Variants in RGL1 observed in about 807,000 individuals in gnomAD.
The protein encoded by RGL1 is ral guanine nucleotide dissociation stimulator like 1.
Under a neutral mutation model 95.2 loss-of-function variants are expected in RGL1, and 24 were observed. The ratio of observed to expected loss-of-function variants is 0.25; its 90% CI spans 0.18 to 0.35. RGL1 has a LOEUF of 0.35. Ranked by LOEUF, RGL1 falls within the 10% of genes least tolerant of loss-of-function variation. The pLI is 1.00. For synonymous variants in RGL1, 329 were observed against 344.9 expected (o/e 0.95, Z 0.51); for missense variants, 715 against 936.3 (o/e 0.76, Z 3.08).
At chr1:183,852,535 C>T (rs1267023403) in intron 3 of RGL1, among the ~76,000 whole-genome samples, 1 of 152,138 alleles carries the variant, frequency 6.6e-6, no homozygotes, top group South Asian at 2.1e-4. Flanking sequence ...AAAATCTGGC[C>T]AGGCGTGGTG....
chr1:183,655,198 G>T (rs1360253873), intron 1 of RGL1, among the ~76,000 whole-genome samples: 1 of 152,192 alleles, frequency 6.6e-6, no homozygotes, highest in Non-Finnish European at 1.5e-5. Context: ...ATTTTTAAGA[G>T]ACATTTACTC....
intron 1 of RGL1, chr1:183,648,935 G>T: frequency 1.6e-6 from 1 of 611,792 alleles, no homozygotes; most frequent in Non-Finnish European, 2.8e-6. Flanking sequence ...TATATGCATA[G>T]ATTTAAAAGC....
chr1:183,727,254 C>A (rs556956017), intron 1 of RGL1, among the ~76,000 whole-genome samples: 1 of 152,124 alleles, frequency 6.6e-6, no homozygotes, highest in Admixed American at 6.6e-5. Flanking sequence ...GGGACAAAAA[C>A]CATATCATCA....
At chr1:183,708,825 G>T (rs1350768965) in intron 1 of RGL1, among the ~76,000 whole-genome samples, 1 of 152,238 alleles carries the variant, frequency 6.6e-6, no homozygotes, top group Non-Finnish European at 1.5e-5. Context: ...AGCTTCCTTT[G>T]TCCGGTTGCT....
Position 183,884,855 on chromosome 1 carries a change from G to A in RGL1, c.868G>A (p.Val290Ile). ...ISQFNTLTKCVVSTILGGKEL... is the reference protein window; with the variant it reads ...ISQFNTLTKCIVSTILGGKEL... ...TCAGTTTAATACCCTCACCAAATGT[G>A]TTGTCAGCACCATCCTGGGGGGCAA... Residue 290 changes from valine (V) to isoleucine (I), a missense_variant, in exon 7 of 18, where the codon GTT (valine) becomes ATT (isoleucine). This residue lies in a region of RGL1 where 381 missense variants were observed against 484.8 expected (regional missense o/e 0.79). Coordinates refer to ENST00000360851, the MANE Select transcript of RGL1 (RefSeq NM_001297671.3). The A allele has an allele frequency of 6.2e-7, 1 of 1,614,156 alleles. No homozygotes were observed. Among genetic ancestry groups the A allele is most frequent in the Non-Finnish European group, 8.5e-7 (1 of 1,179,984 alleles).
intron 2 of RGL1, among the ~76,000 whole-genome samples, chr1:183,833,964 G>GTTTTTTTTTT (rs59912489): frequency 7.1e-6 from 1 of 140,586 alleles, no homozygotes; most frequent in Non-Finnish European, 1.5e-5. Flanking sequence ...ATCTCTCTCT[G>GTTTTTTTTTT]TTTTTTTTTT....
rs533069201 is a variant in RGL1, at chr1:183,872,189, G to A, written c.425+6116G>A. On this transcript the variant is annotated intron_variant, in intron 4 of 17. Transcript: ENST00000360851. ...AGATGGAAAAAGTGAATTGTCTCTA[G>A]GGCAGATTTATTATAGTCATTGAAT... Among the ~76,000 whole-genome samples, 5 of 152,196 alleles carry A rather than the reference G, an allele frequency of 3.3e-5. No individual in the cohort carries two copies. In the East Asian group the frequency reaches 9.6e-4, roughly 29 times the overall value.
At chr1:183,760,319 T>C (rs909314740) in intron 2 of RGL1, among the ~76,000 whole-genome samples, 11 of 152,292 alleles carry the variant, frequency 7.2e-5, no homozygotes, top group African/African-American at 2.6e-4. Flanking sequence ...TGGCTGTGTT[T>C]CTTAAAATAA....
At chr1:183,656,113 C>CTTTTT (rs60220835) in intron 1 of RGL1, among the ~76,000 whole-genome samples, 1,767 of 144,998 alleles carry the variant, frequency 0.012, 50 homozygotes, top group African/African-American at 0.043. Flanking sequence ...CTTTTCTTTT[C>CTTTTT]TTTTTTTTTT....
Position 183,878,532 on chromosome 1 carries a change from A to G in RGL1, c.426-2084A>G, listed in dbSNP as rs78500980. Among the ~76,000 whole-genome samples the G allele has an allele frequency of 8.8e-3, 1,344 of 152,282 alleles. 15 individuals carry two copies. The highest frequency in any genetic ancestry group is 0.024 in the African/African-American group (1,006 of 41,562). On this transcript the variant is annotated intron_variant, in intron 4 of 17. Transcript: ENST00000360851. ...TATATTTAAATATGTATACATATCC[A>G]CAGAAAAGCCTAGAAGGATATATTC... is the stretch of plus-strand genomic sequence containing the variant.
Position 183,904,963 on chromosome 1 carries a change from G to A in RGL1, c.1464G>A (p.Glu488=). 6.2e-7 allele frequency: 1 copy of A among 1,612,582 alleles called. No homozygotes were observed. The highest frequency in any genetic ancestry group is 1.1e-5 in the South Asian group (1 of 90,654). The part of the protein sequence containing the change: ...QWFQRQQLLT[E]EESYALSCEI... ...TCCAGAGGCAGCAGCTCCTGACAGA[G>A]GAGGAGAGGTGGGATCACCTGTCGT... is the stretch of plus-strand genomic sequence containing the variant. Residue 488 remains glutamate (E), a synonymous_variant, in exon 13 of 18, where the codon GAG becomes GAA. Transcript: ENST00000360851.
intron 1 of RGL1, among the ~76,000 whole-genome samples, chr1:183,645,675 C>T (rs1436298780): frequency 6.6e-6 from 1 of 152,238 alleles, no homozygotes; most frequent in Non-Finnish European, 1.5e-5. Flanking sequence ...TGCAGGATCT[C>T]ACTTTGTGGA....
chr1:183,646,274 C>G (rs1650284743), intron 1 of RGL1: 1 of 152,092 alleles, frequency 6.6e-6, no homozygotes, highest in South Asian at 2.1e-4. Context: ...AACAATAAAA[C>G]TTTGTTTTAA....
intron 1 of RGL1, among the ~76,000 whole-genome samples, chr1:183,667,955 A>G (rs957182017): frequency 6.7e-6 from 1 of 149,132 alleles, no homozygotes; most frequent in Admixed American, 6.7e-5. Flanking sequence ...CTACTCTCTC[A>G]TCTTTTGTAT....
rs530990476 is a variant in RGL1, at chr1:183,899,273, A to G, written c.1231-877A>G. ...ATCTAGACTTTGTTTGGATTTCACC[A>G]GTTTTCCACTAGTATCTTCTTATCT... On this transcript the variant is annotated intron_variant, in intron 10 of 17. Coordinates refer to ENST00000360851, the MANE Select transcript of RGL1 (RefSeq NM_001297671.3). Among the ~76,000 whole-genome samples, 26 of 152,342 alleles carry G rather than the reference A, an allele frequency of 1.7e-4. No homozygotes were observed. In the East Asian group the frequency reaches 4.8e-3, roughly 28 times the overall value.
chr1:183,904,991 A>T lies in RGL1; in HGVS notation c.1472+20A>T. On this transcript the variant is annotated intron_variant, in intron 13 of 17. Coordinates refer to ENST00000360851, the MANE Select transcript of RGL1 (RefSeq NM_001297671.3). ...GGAGAGGTGGGATCACCTGTCGTTC[A>T]TCGGGGTAGAACTGAAGTGTTGGCA... The T allele has an allele frequency of 6.2e-7, 1 of 1,607,422 alleles. No homozygotes were observed. The highest frequency in any genetic ancestry group is 8.5e-7 in the Non-Finnish European group (1 of 1,178,034).
At chr1:183,868,434 A>G (rs1665966436) in intron 4 of RGL1, among the ~76,000 whole-genome samples, 1 of 152,204 alleles carries the variant, frequency 6.6e-6, no homozygotes, top group Non-Finnish European at 1.5e-5. Context: ...CTTCTCGCTC[A>G]AAGTGTGACC....
chr1:183,805,633 T>G (rs575986405), intron 1 of RGL1, among the ~76,000 whole-genome samples: 1 of 152,346 alleles, frequency 6.6e-6, no homozygotes, highest in East Asian at 1.9e-4. Flanking sequence ...TCCCAGCGGC[T>G]CTTTAACACA....
chr1:183,727,910 G>C (rs1656403111), intron 1 of RGL1, among the ~76,000 whole-genome samples: 1 of 152,150 alleles, frequency 6.6e-6, no homozygotes, highest in Non-Finnish European at 1.5e-5. Context: ...GGGCTATAGG[G>C]GGCCCAGGTG....
Sources: gnomAD v4.1 joint callset for allele counts (sites outside exome capture counted in the v4.1 genomes callset) on GRCh38, gnomAD v4.1.1 for gene constraint, gnomAD v4.1.1 regional missense constraint, MANE v1.5 for transcripts, NCBI Gene and HGNC (gene_info 2026-07-23, HGNC 2026-07-21) for gene names.